Variants in SUV39H2 observed in about 807,000 individuals in gnomAD.
SUV39H2 encodes SUV39H2 histone lysine methyltransferase.
A neutral mutation model predicts 47.5 loss-of-function variants in SUV39H2; 10 were observed. That is an observed-to-expected ratio of 0.21 (90% confidence interval 0.13 to 0.36). SUV39H2 has a LOEUF of 0.36. Among genes scored for constraint, SUV39H2 ranks in the 10% least tolerant of loss-of-function variants. The pLI is 1.00. For synonymous variants in SUV39H2, 159 were observed against 166.8 expected (o/e 0.95, Z 0.36); for missense variants, 266 against 487.4 (o/e 0.55, Z 4.28).
At chr10:14,898,327 T>C (rs1438555310) in intron 3 of SUV39H2, 1 of 147,086 alleles carries the variant, frequency 6.8e-6, no homozygotes, top group Non-Finnish European at 1.5e-5. Context: ...GATTCAAAGC[T>C]CTAAAATCAG....
intron 2 of SUV39H2, among the ~76,000 whole-genome samples, chr10:14,887,730 T>C (rs776111170): frequency 1.3e-5 from 2 of 152,226 alleles, no homozygotes; most frequent in African/African-American, 2.4e-5. Context: ...CGGTCCCTGA[T>C]ACTACAGAGT....
intron 5 of SUV39H2, among the ~76,000 whole-genome samples, chr10:14,901,820 C>T (rs1359303878): frequency 6.6e-6 from 1 of 150,486 alleles, no homozygotes; most frequent in Non-Finnish European, 1.5e-5. Context: ...ACGACAGAGA[C>T]CCTGTCTGAA....
chr10:14,901,543 GTCT>G (rs985092186), intron 5 of SUV39H2, among the ~76,000 whole-genome samples: 1 of 146,386 alleles, frequency 6.8e-6, no homozygotes, highest in African/African-American at 2.6e-5. Context: ...TGTACTACTT[GTCT>G]TTTTTTTTTT....
intron 5 of SUV39H2, 85 bp from the exon 6 acceptor site, chr10:14,902,321 T>C (rs902907429): frequency 3.4e-6 from 3 of 890,816 alleles, no homozygotes; most frequent in Non-Finnish European, 5.1e-6. Context: ...TCACTGATAA[T>C]AAAGCTAATA....
chr10:14,885,903 G>C (rs1833192870), intron 2 of SUV39H2, among the ~76,000 whole-genome samples: 1 of 152,126 alleles, frequency 6.6e-6, no homozygotes, highest in Non-Finnish European at 1.5e-5. Flanking sequence ...CTTAAACCTA[G>C]CTCTGATTGC....
In SUV39H2 at chr10:14,898,913, T is replaced by TG. The variant is rs1833793655; in HGVS notation, c.850-625dup. The TG allele has an allele frequency of 1.3e-5, 4 of 314,158 alleles. No individual in the cohort carries two copies. In the South Asian group the frequency reaches 5.7e-4, roughly 45 times the overall value. The allele number at this position is 314,158 out of a possible 1,614,324, so 19.5% of individuals were successfully genotyped here. A position where few individuals can be genotyped will look rare whatever the true frequency, so the allele number is the denominator to read the frequency against. ...CTGGATCATATTTAGAGCATATACTTGCAGATTTAGTCCTTAACATTCAGT... is the reference window on the plus strand; with the variant it reads ...CTGGATCATATTTAGAGCATATACTTGGCAGATTTAGTCCTTAACATTCAGT... On this transcript the variant is annotated intron_variant, in intron 3 of 5. Transcript: ENST00000354919.
chr10:14,881,257 T>C lies in SUV39H2; in HGVS notation c.32-243T>C, dbSNP rs942738826. On this transcript the variant is annotated intron_variant, in intron 1 of 5. Coordinates refer to ENST00000354919, the MANE Select transcript of SUV39H2 (RefSeq NM_001193424.2). ...CATTTTCAAGTGACTTAATGGAAAT[T>C]AACTGATGTCAGTTAAACGTAGTGG... 2.0e-5 allele frequency among the ~76,000 whole-genome samples: 3 copies of C among 152,192 alleles called. No individual in the cohort carries two copies. The East Asian group carries it at 5.8e-4, about 29-fold the overall frequency.
intron 2 of SUV39H2, among the ~76,000 whole-genome samples, chr10:14,890,351 C>T (rs1833348395): frequency 6.6e-6 from 1 of 152,164 alleles, no homozygotes; most frequent in Admixed American, 6.5e-5. Flanking sequence ...TAATAGTTCT[C>T]AGACTATGCT....
chr10:14,886,787 A>G (rs1833223832), intron 2 of SUV39H2, among the ~76,000 whole-genome samples: 1 of 152,270 alleles, frequency 6.6e-6, no homozygotes, highest in Non-Finnish European at 1.5e-5. Context: ...TGACAAAGAA[A>G]TAACCCGTTG....
At chr10:14,891,262 A>G (rs1213543908) in intron 2 of SUV39H2, among the ~76,000 whole-genome samples, 1 of 152,178 alleles carries the variant, frequency 6.6e-6, no homozygotes, top group Non-Finnish European at 1.5e-5. Flanking sequence ...AAGGCCTGGC[A>G]AGTTGTTCAT....
intron 2 of SUV39H2, among the ~76,000 whole-genome samples, chr10:14,888,933 G>T (rs1833299887): frequency 6.6e-6 from 1 of 152,078 alleles, no homozygotes; most frequent in African/African-American, 2.4e-5. Context: ...GAGAAACCCT[G>T]TCTCTACTAA....
At chr10:14,880,267 A>G (rs1217198168) in intron 1 of SUV39H2, among the ~76,000 whole-genome samples, 1 of 152,194 alleles carries the variant, frequency 6.6e-6, no homozygotes, top group Non-Finnish European at 1.5e-5. Context: ...GGTAGAAATT[A>G]TGCTTAAGGG....
chr10:14,886,471 G>A (rs897426276), intron 2 of SUV39H2, among the ~76,000 whole-genome samples: 1 of 152,164 alleles, frequency 6.6e-6, no homozygotes, highest in South Asian at 2.1e-4. Flanking sequence ...TGAGGGCCAG[G>A]ACTATGTCTC....
chr10:14,882,555 A>G (rs1210460229), intron 2 of SUV39H2, among the ~76,000 whole-genome samples: 1 of 152,154 alleles, frequency 6.6e-6, no homozygotes, highest in Non-Finnish European at 1.5e-5. Flanking sequence ...TGAGAATATT[A>G]TACAATCATG....
chr10:14,888,958 C>T (rs927478521), intron 2 of SUV39H2, among the ~76,000 whole-genome samples: 6 of 152,102 alleles, frequency 3.9e-5, no homozygotes, highest in Non-Finnish European at 8.8e-5. Context: ...ACAAAATTAG[C>T]CGGGCGTGGT....
rs1316683134 is a variant in SUV39H2, at chr10:14,894,369, T to G, written c.178-2477T>G. Among the ~76,000 whole-genome samples, 70 of 51,776 alleles carry G rather than the reference T, an allele frequency of 1.4e-3. 13 individuals carry two copies. Among genetic ancestry groups the G allele is most frequent in the Non-Finnish European group, 1.7e-3 (56 of 32,170 alleles). The allele number at this position is 51,776 out of a possible 152,430, so 34.0% of individuals were successfully genotyped here. A position where few individuals can be genotyped will look rare whatever the true frequency, so the allele number is the denominator to read the frequency against. On this transcript the variant is annotated intron_variant, in intron 2 of 5. Transcript: ENST00000354919. ...AAGAAAGCAAAGTTTTTTTTTTTTT[T>G]TTTTTTTTTTTTTTTTGAGACGGAG...
intron 2 of SUV39H2, among the ~76,000 whole-genome samples, chr10:14,885,488 C>T (rs1256065737): frequency 1.3e-5 from 2 of 152,168 alleles, no homozygotes; most frequent in African/African-American, 4.8e-5. Context: ...GTAATAGTTA[C>T]TTACGGGTCT....
intron 4 of SUV39H2, among the ~76,000 whole-genome samples, chr10:14,900,458 G>A (rs1274830144): frequency 6.6e-6 from 1 of 152,148 alleles, no homozygotes; most frequent in Non-Finnish European, 1.5e-5. Context: ...AGAAATTGGT[G>A]TATGATTAGC....
At chr10:14,895,149 C>G (rs1833526835) in intron 2 of SUV39H2, among the ~76,000 whole-genome samples, 1 of 151,292 alleles carries the variant, frequency 6.6e-6, no homozygotes, top group South Asian at 2.1e-4. Flanking sequence ...ACACACTTAA[C>G]TGTGTTTTTT....
Sources: gnomAD v4.1 joint callset for allele counts (sites outside exome capture counted in the v4.1 genomes callset) on GRCh38, gnomAD v4.1.1 for gene constraint, MANE v1.5 for transcripts, NCBI Gene and HGNC (gene_info 2026-07-23, HGNC 2026-07-21) for gene names.